The following PITPNC1 variants were observed in gnomAD, a reference collection of about 807,000 sequenced individuals.
PITPNC1 encodes phosphatidylinositol transfer protein cytoplasmic 1, also known as cytoplasmic phosphatidylinositol transfer protein 1.
A neutral mutation model predicts 44.7 loss-of-function variants in PITPNC1; 18 were observed. The ratio of observed to expected loss-of-function variants is 0.40; its 90% CI spans 0.28 to 0.60. The LOEUF (loss-of-function observed/expected upper bound fraction) is 0.60, where lower values mean the gene tolerates loss of function less well. PITPNC1 is among the 20% of genes least tolerant of loss of function. The pLI is 0.39. For missense variants in PITPNC1, 290 were observed against 418.4 expected (o/e 0.69, Z 2.68); for synonymous variants, 141 against 149.6 (o/e 0.94, Z 0.42).
intron 6 of PITPNC1, among the ~76,000 whole-genome samples, chr17:67,648,589 T>G (rs2042176812): frequency 6.6e-6 from 1 of 152,174 alleles, no homozygotes; most frequent in Non-Finnish European, 1.5e-5. Flanking sequence ...GGGAGACAGC[T>G]CTTGTTGCTC....
chr17:67,557,072 T>TTTCATTA (rs2040847342), intron 4 of PITPNC1, among the ~76,000 whole-genome samples: 1 of 152,120 alleles, frequency 6.6e-6, no homozygotes, highest in South Asian at 2.1e-4. Flanking sequence ...CACCACAGAC[T>TTTCATTA]TGGGGGCTTG....
intron 5 of PITPNC1, among the ~76,000 whole-genome samples, chr17:67,593,861 C>T (rs1203439109): frequency 6.6e-6 from 1 of 152,058 alleles, no homozygotes; most frequent in Non-Finnish European, 1.5e-5. Context: ...GCTCCTTTTC[C>T]CCCTCATAAT....
At chr17:67,434,750 T>G (rs1289537158) in intron 1 of PITPNC1, among the ~76,000 whole-genome samples, 1 of 148,066 alleles carries the variant, frequency 6.8e-6, no homozygotes, top group African/African-American at 2.5e-5. Flanking sequence ...GAGGTGGAGG[T>G]TGCAGTGAGC....
rs374617546 is a variant in PITPNC1 at position 67,622,148 on chromosome 17, T to G, written c.367-9995T>G. Among the ~76,000 whole-genome samples, 12 of 151,066 alleles carry G rather than the reference T, an allele frequency of 7.9e-5. No homozygotes were observed. The South Asian group carries it at 2.5e-3, about 32-fold the overall frequency. ...GGTGGGCGCCTGTAGTCCCAGCTACTCGGGAAGCTGAGGCAGGAGAATGGC... is the reference window on the plus strand; with the variant it reads ...GGTGGGCGCCTGTAGTCCCAGCTACGCGGGAAGCTGAGGCAGGAGAATGGC... On this transcript the variant is annotated intron_variant, in intron 5 of 8. Transcript: ENST00000581322.
chr17:67,394,569 A>G (rs566656489), intron 1 of PITPNC1, among the ~76,000 whole-genome samples: 1 of 152,254 alleles, frequency 6.6e-6, no homozygotes, highest in Non-Finnish European at 1.5e-5. Context: ...TGAAAGCTCT[A>G]TTTGTAGACA....
chr17:67,652,856 C>G (rs1364685108), intron 6 of PITPNC1, among the ~76,000 whole-genome samples: 1 of 152,142 alleles, frequency 6.6e-6, no homozygotes, highest in Non-Finnish European at 1.5e-5. Flanking sequence ...TGTGTCCCCC[C>G]AGAAAGCTAG....
intron 6 of PITPNC1, among the ~76,000 whole-genome samples, chr17:67,656,609 T>C (rs1422245630): frequency 6.6e-6 from 1 of 152,190 alleles, no homozygotes; most frequent in African/African-American, 2.4e-5. Flanking sequence ...GTTTTCTGAT[T>C]GCACTGAGTT....
At chr17:67,504,403 A>G (rs2040074112) in intron 1 of PITPNC1, among the ~76,000 whole-genome samples, 1 of 152,220 alleles carries the variant, frequency 6.6e-6, no homozygotes. Context: ...AAGCAACTGA[A>G]AAGGCATGGA....
chr17:67,625,664 C>T (rs890823309), intron 5 of PITPNC1, among the ~76,000 whole-genome samples: 1 of 152,160 alleles, frequency 6.6e-6, no homozygotes, highest in Non-Finnish European at 1.5e-5. Flanking sequence ...TGCTCCGTGG[C>T]AGCCCCTCTA....
rs536891032 is a variant in PITPNC1 at position 67,659,687 on chromosome 17, G to A, written c.463-9821G>A. On this transcript the variant is annotated intron_variant, in intron 6 of 8. Coordinates refer to ENST00000581322, the MANE Select transcript of PITPNC1 (RefSeq NM_012417.4). ...TGGCCATCTTTGGAGATGTATGGTAGATAATCTCTCAATTTATTGGTCTTC... is the reference window on the plus strand; with the variant it reads ...TGGCCATCTTTGGAGATGTATGGTAAATAATCTCTCAATTTATTGGTCTTC... 2.7e-4 allele frequency among the ~76,000 whole-genome samples: 41 copies of A among 152,202 alleles called. 1 individual carries two copies. The South Asian group carries it at 8.3e-3, about 31-fold the overall frequency.
intron 1 of PITPNC1, among the ~76,000 whole-genome samples, chr17:67,524,208 TG>T (rs2040366576): frequency 6.6e-6 from 1 of 152,162 alleles, no homozygotes; most frequent in Non-Finnish European, 1.5e-5. Context: ...TTTGTGAGGC[TG>T]TGGCGGGAGG....
chr17:67,581,901 C>T (rs1221077756), intron 5 of PITPNC1, among the ~76,000 whole-genome samples: 3 of 152,046 alleles, frequency 2.0e-5, no homozygotes, highest in Non-Finnish European at 4.4e-5. Flanking sequence ...GGCATGGTGG[C>T]GTGCACCTGT....
chr17:67,399,807 G>A (rs2038279831), intron 1 of PITPNC1, among the ~76,000 whole-genome samples: 1 of 152,096 alleles, frequency 6.6e-6, no homozygotes, highest in South Asian at 2.1e-4. Context: ...ATCTCCCTGA[G>A]CCAAAGTACC....
intron 8 of PITPNC1, among the ~76,000 whole-genome samples, chr17:67,677,044 C>T (rs2042616143): frequency 1.3e-5 from 2 of 152,074 alleles, no homozygotes; most frequent in Admixed American, 6.6e-5. Context: ...GTGAGGCAGG[C>T]AGGAGAGTCT....
At chr17:67,403,812 A>T (rs181202645) in intron 1 of PITPNC1, among the ~76,000 whole-genome samples, 184 of 152,274 alleles carry the variant, frequency 1.2e-3, no homozygotes, top group African/African-American at 4.2e-3. Flanking sequence ...ACCTGAGGTC[A>T]GGAGTTTGAG....
intron 6 of PITPNC1, among the ~76,000 whole-genome samples, chr17:67,669,127 A>G (rs1049677327): frequency 3.3e-5 from 5 of 151,658 alleles, no homozygotes; most frequent in Non-Finnish European, 5.9e-5. Context: ...TGTTTTTGAG[A>G]TGGAGTTTCG....
intron 1 of PITPNC1, among the ~76,000 whole-genome samples, chr17:67,451,170 T>G (rs1417753287): frequency 1.3e-5 from 2 of 152,036 alleles, no homozygotes; most frequent in African/African-American, 4.8e-5. Context: ...TAGCTGGGAC[T>G]ACACGCGCGC....
At position 67,583,305 on chromosome 17, in the gene PITPNC1, G is replaced by A. The variant is rs377308802; in HGVS notation, c.366+5048G>A. 2.0e-5 allele frequency among the ~76,000 whole-genome samples: 3 copies of A among 152,142 alleles called. No individual in the cohort carries two copies. The East Asian group carries it at 5.8e-4, about 30-fold the overall frequency. The stretch of plus-strand genomic sequence containing the variant: ...TCACAGCTGCCTATTAAAATCACCT[G>A]GGCCAGGCGGGGTGGCTCACACCTG... On this transcript the variant is annotated intron_variant, in intron 5 of 8. Coordinates refer to ENST00000581322, the MANE Select transcript of PITPNC1 (RefSeq NM_012417.4).
At chr17:67,507,349 C>G (rs140299162) in intron 1 of PITPNC1, among the ~76,000 whole-genome samples, 1 of 151,928 alleles carries the variant, frequency 6.6e-6, no homozygotes, top group African/African-American at 2.4e-5. Context: ...TTGCTGTGTA[C>G]GTTGGAGAAA....
Sources: gnomAD v4.1 joint callset for allele counts (sites outside exome capture counted in the v4.1 genomes callset) on GRCh38, gnomAD v4.1.1 for gene constraint, MANE v1.5 for transcripts, NCBI Gene and HGNC (gene_info 2026-07-23, HGNC 2026-07-21) for gene names.